NAALADL2: variants seen among roughly 807,000 people sequenced by gnomAD.
The protein encoded by NAALADL2 is N-acetylated alpha-linked acidic dipeptidase like 2, also known as inactive N-acetylated-alpha-linked acidic dipeptidase-like protein 2.
A neutral mutation model predicts 87.2 loss-of-function variants in NAALADL2; 76 were observed. The observed-to-expected ratio is 0.87, with a 90% CI of 0.72 to 1.05. NAALADL2 has a LOEUF of 1.05. Ranked by LOEUF, NAALADL2 falls within the 50% of genes least tolerant of loss-of-function variation. The pLI, the probability that NAALADL2 is intolerant of heterozygous loss-of-function variation, is 0.00. For missense variants in NAALADL2, 1,089 were observed against 945.8 expected (o/e 1.15, Z -1.99); for synonymous variants, 354 against 331.0 (o/e 1.07, Z -0.75).
At chr3:175,002,284 T>C (rs1748357557) in intron 1 of NAALADL2, among the ~76,000 whole-genome samples, 1 of 152,106 alleles carries the variant, frequency 6.6e-6, no homozygotes, top group South Asian at 2.1e-4. Flanking sequence ...GCGCAGAAAG[T>C]CAGAAACTAG....
chr3:175,588,529 C>CTTTTTTTT lies in NAALADL2; in HGVS notation c.1800+12346_1800+12347insTTTTTTTT, dbSNP rs1430802993. On this transcript the variant is annotated intron_variant, in intron 10 of 13. Coordinates refer to ENST00000454872, the MANE Select transcript of NAALADL2 (RefSeq NM_207015.3). ...TCAATTTAGGAGACTTTCTTTCTTT[C>CTTTTTTTT]TTTTCTTTTTTTTTTTTTTTTTTTT... Among the ~76,000 whole-genome samples, 188 of 94,382 alleles carry CTTTTTTTT rather than the reference C, an allele frequency of 2.0e-3. 2 individuals are homozygous for CTTTTTTTT. Among genetic ancestry groups the CTTTTTTTT allele is most frequent in the African/African-American group, 6.9e-3 (173 of 24,932 alleles). 61.9% of individuals were successfully genotyped at this position (94,382 alleles called of 152,430 possible).
At chr3:175,288,036 A>G (rs564905571) in intron 4 of NAALADL2, among the ~76,000 whole-genome samples, 1 of 152,338 alleles carries the variant, frequency 6.6e-6, no homozygotes, top group South Asian at 2.1e-4. Flanking sequence ...AGACAGAATT[A>G]ACCAATGTTA....
intron 2 of NAALADL2, among the ~76,000 whole-genome samples, chr3:175,134,081 C>T (rs1243797276): frequency 6.6e-6 from 1 of 152,176 alleles, no homozygotes; most frequent in Admixed American, 6.5e-5. Context: ...CCTGTTCACA[C>T]ACACACATTT....
At chr3:175,096,366 G>A (rs1721152788) in intron 1 of NAALADL2, among the ~76,000 whole-genome samples, 1 of 151,522 alleles carries the variant, frequency 6.6e-6, no homozygotes, top group African/African-American at 2.4e-5. Context: ...TATTACTTTT[G>A]CCTTTAATTT....
intron 3 of NAALADL2, among the ~76,000 whole-genome samples, chr3:174,845,149 A>G (rs1724473316): frequency 1.3e-5 from 2 of 152,212 alleles, no homozygotes; most frequent in Non-Finnish European, 2.9e-5. Context: ...CACTGGGTTA[A>G]TAAACCTAAG....
chr3:175,201,218 T>C (rs1739972703), intron 2 of NAALADL2, among the ~76,000 whole-genome samples: 1 of 152,190 alleles, frequency 6.6e-6, no homozygotes, highest in Admixed American at 6.5e-5. Flanking sequence ...AGATCAGATA[T>C]GCTCCGTAAC....
At chr3:174,631,768 T>G (rs1722136573) in intron 2 of NAALADL2, 1 of 152,204 alleles carries the variant, frequency 6.6e-6, no homozygotes, top group South Asian at 2.1e-4. Context: ...TAAGCTTAAA[T>G]ATTGTGTATA....
chr3:174,450,818 C>G (rs199931295), intron 1 of NAALADL2, among the ~76,000 whole-genome samples: 7 of 137,368 alleles, frequency 5.1e-5, no homozygotes, highest in Non-Finnish European at 7.5e-5. Context: ...TGTAGTGAGC[C>G]GAGATCATGC....
chr3:175,783,376 T>C (rs1199198268), intron 13 of NAALADL2, among the ~76,000 whole-genome samples: 1 of 151,432 alleles, frequency 6.6e-6, no homozygotes, highest in Non-Finnish European at 1.5e-5. Context: ...TCCTCTTTTA[T>C]TTCCTTGAGC....
rs1722546211 is a variant in NAALADL2, at chr3:175,457,831, T to A, written c.1235-5570T>A. Among the ~76,000 whole-genome samples, 3 of 151,896 alleles carry A rather than the reference T, an allele frequency of 2.0e-5. No homozygotes were observed. In the South Asian group the frequency reaches 6.2e-4, roughly 32 times the overall value. On this transcript the variant is annotated intron_variant, in intron 6 of 13. Transcript: ENST00000454872. ...AGCTGTAATTTTATCATCTTTACAC[T>A]TATTAGTTGAAATTCCACTGTAAAG...
At chr3:175,121,082 A>G (rs569379001) in intron 2 of NAALADL2, among the ~76,000 whole-genome samples, 1 of 151,902 alleles carries the variant, frequency 6.6e-6, no homozygotes, top group East Asian at 1.9e-4. Flanking sequence ...AAAAATTAAC[A>G]TCTTCTAGTT....
At chr3:175,337,513 A>G (rs1403975110) in intron 5 of NAALADL2, among the ~76,000 whole-genome samples, 1 of 152,186 alleles carries the variant, frequency 6.6e-6, no homozygotes, top group Non-Finnish European at 1.5e-5. Flanking sequence ...ATACAGACAG[A>G]CTTGGGGGGG....
chr3:174,561,301 G>A (rs988096856), intron 2 of NAALADL2, among the ~76,000 whole-genome samples: 1 of 150,646 alleles, frequency 6.6e-6, no homozygotes, highest in African/African-American at 2.4e-5. Context: ...CCTGGTTCAA[G>A]CTATTCTCCT....
intron 9 of NAALADL2, among the ~76,000 whole-genome samples, chr3:175,516,176 T>C (rs1030038508): frequency 6.6e-5 from 10 of 152,174 alleles, no homozygotes; most frequent in East Asian, 1.9e-4. Flanking sequence ...GTAACATTGA[T>C]TGTTGTCACT....
At chr3:174,913,484 G>C (rs1202032063) in intron 1 of NAALADL2, among the ~76,000 whole-genome samples, 1 of 152,114 alleles carries the variant, frequency 6.6e-6, no homozygotes, top group East Asian at 1.9e-4. Flanking sequence ...TGAGTAACAT[G>C]CATTCACAAG....
intron 1 of NAALADL2, among the ~76,000 whole-genome samples, chr3:174,537,837 G>A (rs866853505): frequency 6.6e-6 from 1 of 152,100 alleles, no homozygotes; most frequent in Admixed American, 6.6e-5. Flanking sequence ...ACAAAGTCAG[G>A]CTGGTGATAT....
intron 11 of NAALADL2, among the ~76,000 whole-genome samples, chr3:175,700,524 T>C (rs917066341): frequency 4.6e-5 from 7 of 152,198 alleles, no homozygotes; most frequent in Non-Finnish European, 2.9e-5. Flanking sequence ...TTGAAGATCT[T>C]GTTGCTCTTT....
At position 174,850,441 on chromosome 3, in the gene NAALADL2, G is replaced by A. The variant is rs186444115; in HGVS notation, c.-9+112695G>A. Among the ~76,000 whole-genome samples, 180 of 152,080 alleles carry A rather than the reference G, an allele frequency of 1.2e-3. 1 individual carries two copies. The highest frequency in any genetic ancestry group is 2.4e-3 in the Admixed American group (37 of 15,280). ...TGAAGGGATAGAAAATATATTCAAC[G>A]CTAATAGAAACCAAAAAAGAGCAGG... On this transcript the variant is annotated intron_variant, in intron 3 of 3. Transcript: ENST00000434257.
intron 2 of NAALADL2, among the ~76,000 whole-genome samples, chr3:174,713,487 A>G (rs1730883875): frequency 6.6e-6 from 1 of 152,126 alleles, no homozygotes; most frequent in Admixed American, 6.5e-5. Context: ...CTTTTTAATG[A>G]CTGCCATTCT....
Sources: allele counts gnomAD v4.1 joint callset (sites outside exome capture counted in the v4.1 genomes callset), GRCh38; gene constraint gnomAD v4.1.1; transcripts MANE v1.5; gene names NCBI Gene and HGNC (gene_info 2026-07-23, HGNC 2026-07-21).